Variants in AKT2 observed in about 807,000 individuals in gnomAD.
AKT2 encodes RAC-beta serine/threonine-protein kinase.
In AKT2, 16 loss-of-function variants were observed where a neutral mutation model predicts 58.6. The observed-to-expected ratio is 0.27, with a 90% CI of 0.18 to 0.41. The LOEUF is 0.41. AKT2 is among the 10% of genes least tolerant of loss of function. AKT2 has a pLI of 1.00. For synonymous variants in AKT2, 253 were observed against 254.0 expected (o/e 1.00, Z 0.04); for missense variants, 438 against 661.0 (o/e 0.66, Z 3.70).
chr19:40,239,829 A>G, intron 7 of AKT2: 1 of 702,172 alleles, frequency 1.4e-6, no homozygotes, highest in Non-Finnish European at 2.6e-6. Context: ...ACATGAAGCC[A>G]CCATCTATGA....
chr19:40,230,483 G>A lies in AKT2; in HGVS notation c.*3389C>T, dbSNP rs1973649387. On this transcript the variant is annotated 3_prime_UTR_variant, in exon 14 of 14. Transcript: ENST00000392038. ...CCCATGCAGCAGCTAAAAGGGAATCGCACTGCCGCCCCCGACTCCACACAA... is the reference window on the plus strand; with the variant it reads ...CCCATGCAGCAGCTAAAAGGGAATCACACTGCCGCCCCCGACTCCACACAA... 2 of 226,346 alleles carry A rather than the reference G, an allele frequency of 8.8e-6. No individual in the cohort carries two copies. The highest frequency in any genetic ancestry group is 2.2e-5 in the African/African-American group (1 of 44,788). The allele number at this position is 226,346 out of a possible 1,614,324, so 14.0% of individuals were successfully genotyped here.
chr19:40,236,426 G>T, intron 9 of AKT2, 41 bp from the exon 10 acceptor site: 1 of 1,613,388 alleles, frequency 6.2e-7, no homozygotes, highest in East Asian at 2.2e-5. Flanking sequence ...ATGCTCCCAA[G>T]GCTTCCTGCC....
chr19:40,285,126 C>A (rs552753966), intron 1 of AKT2, 55 bp downstream of exon 1: 55 of 391,434 alleles, frequency 1.4e-4, no homozygotes, highest in Admixed American at 8.0e-4. Context: ...CCGCGGGGGG[C>A]CCGGACGCGA....
chr19:40,260,817 A>G (rs909781182), intron 2 of AKT2, among the ~76,000 whole-genome samples: 1 of 147,864 alleles, frequency 6.8e-6, no homozygotes, highest in Non-Finnish European at 1.5e-5. Flanking sequence ...GTGTGGTGGC[A>G]CCTGCCTGTA....
rs1277167419 is a variant in AKT2, at chr19:40,233,999, G to A, written c.1367-48C>T. 6.3e-7 allele frequency: 1 copy of A among 1,585,264 alleles called. No homozygotes were observed. Among genetic ancestry groups the A allele is most frequent in the Non-Finnish European group, 8.6e-7 (1 of 1,165,726 alleles). Reference sequence around the variant, plus strand: ...GGGAGGACCAGTCAGGAGAGGGCCTGGGACACCTGCCCAGACTCCCTGGGG... The same window carrying A: ...GGGAGGACCAGTCAGGAGAGGGCCTAGGACACCTGCCCAGACTCCCTGGGG... On this transcript the variant is annotated intron_variant, in intron 13 of 13. Transcript: ENST00000392038. This position sits in a 1 kb window ranked among gnomAD's most constrained non-coding sequence, Gnocchi z 4.3.
At chr19:40,265,155 A>G in intron 2 of AKT2, 67 bp downstream of exon 2, 1 of 1,580,646 alleles carries the variant, frequency 6.3e-7, no homozygotes, top group Non-Finnish European at 8.6e-7. Context: ...TCTGCCTCTC[A>G]GGGCACAGCT....
chr19:40,276,095 G>A (rs532155983), intron 1 of AKT2, among the ~76,000 whole-genome samples: 11 of 151,658 alleles, frequency 7.3e-5, no homozygotes, highest in African/African-American at 1.9e-4. Context: ...ATTAAGCACC[G>A]GGAGCTTAAA....
chr19:40,233,542 A>G lies in AKT2; in HGVS notation c.*330T>C. ...CACCAGCACGACACCCAGGCCAGAA[A>G]CTCAGGCAGGCCCCAGGCGCCATGC... On this transcript the variant is annotated 3_prime_UTR_variant, in exon 14 of 14. Coordinates refer to ENST00000392038, the MANE Select transcript of AKT2 (RefSeq NM_001626.6). This position sits in a 1 kb window ranked among gnomAD's most constrained non-coding sequence, Gnocchi z 4.3. 1 of 646,754 alleles carries G rather than the reference A, an allele frequency of 1.5e-6. No homozygotes were observed. Among genetic ancestry groups the G allele is most frequent in the Non-Finnish European group, 2.9e-6 (1 of 341,388 alleles). 40.1% of individuals were successfully genotyped at this position (646,754 alleles called of 1,614,324 possible).
chr19:40,251,129 A>G (rs1039546564), intron 4 of AKT2, among the ~76,000 whole-genome samples: 12 of 151,578 alleles, frequency 7.9e-5, no homozygotes, highest in African/African-American at 2.9e-4. Flanking sequence ...GATTAAGCTC[A>G]GGAGTTTGAG....
chr19:40,266,880 C>T (rs1976397566), intron 1 of AKT2, among the ~76,000 whole-genome samples: 2 of 152,164 alleles, frequency 1.3e-5, no homozygotes, highest in Admixed American at 6.5e-5. Context: ...GAGGATCACT[C>T]GAGCCTGGGA....
intron 1 of AKT2, among the ~76,000 whole-genome samples, chr19:40,278,847 TAGGG>T (rs1401763628): frequency 6.6e-6 from 1 of 151,216 alleles, no homozygotes; most frequent in Non-Finnish European, 1.5e-5. Flanking sequence ...AAATGCACCT[TAGGG>T]AGAAGAAATA....
intron 1 of AKT2, chr19:40,282,803 T>C (rs2077448114): frequency 6.6e-6 from 2 of 303,896 alleles, no homozygotes; most frequent in South Asian, 2.6e-5. Flanking sequence ...AAATACCATA[T>C]AAAGCCCAAA....
At chr19:40,244,307 G>C (rs1341917085) in intron 4 of AKT2, 2 of 151,730 alleles carry the variant, frequency 1.3e-5, no homozygotes, top group East Asian at 1.9e-4. Flanking sequence ...AGCCAGGTGT[G>C]GGGGCACATG....
intron 4 of AKT2, 22 bp downstream of exon 4, chr19:40,255,136 C>T (rs774276139): frequency 2.5e-6 from 4 of 1,585,172 alleles, no homozygotes; most frequent in Non-Finnish European, 3.5e-6. Context: ...TCAAGGGCAG[C>T]CACACAGAGG....
chr19:40,236,858 C>CTA, intron 9 of AKT2: 1 of 198,484 alleles, frequency 5.0e-6, no homozygotes, highest in South Asian at 8.4e-5. Context: ...ACCCCATCTC[C>CTA]ATATTTCTTA....
intron 1 of AKT2, among the ~76,000 whole-genome samples, chr19:40,271,543 C>T (rs1600100266): frequency 6.6e-6 from 1 of 152,030 alleles, no homozygotes; most frequent in East Asian, 1.9e-4. Context: ...CGTGAGGGAA[C>T]CAACTCCCTC....
intron 4 of AKT2, among the ~76,000 whole-genome samples, chr19:40,246,448 T>C (rs1362229359): frequency 1.3e-5 from 2 of 152,086 alleles, no homozygotes; most frequent in Admixed American, 6.6e-5. Flanking sequence ...TTATCAGACA[T>C]AGTTGTCCTC....
At position 40,234,749 on chromosome 19, in the gene AKT2, G is replaced by A; in HGVS notation, c.1366+296C>T. The stretch of plus-strand genomic sequence containing the variant: ...ATAGCCCAGCCCTGGGCTGAGTTCA[G>A]AGTAAGAACCCAAACAGCTGTAAAG... On this transcript the variant is annotated intron_variant, in intron 13 of 13. Transcript: ENST00000392038. The surrounding 1 kb of genome is among the most constrained non-coding windows in gnomAD (Gnocchi z 4.7). The A allele has an allele frequency of 1.6e-6, 1 of 606,724 alleles. No individual in the cohort carries two copies. Among genetic ancestry groups the A allele is most frequent in the East Asian group, 2.7e-5 (1 of 36,540 alleles). The allele number at this position is 606,724 out of a possible 1,614,324, so 37.6% of individuals were successfully genotyped here. A position where few individuals can be genotyped will look rare whatever the true frequency, so the allele number is the denominator to read the frequency against.
At position 40,235,787 on chromosome 19, in the gene AKT2, C is replaced by T. The variant is rs3730055; in HGVS notation, c.1175+103G>A. On this transcript the variant is annotated intron_variant, in intron 11 of 13. Transcript: ENST00000392038. The surrounding 1 kb of genome is among the most constrained non-coding windows in gnomAD (Gnocchi z 6.3). The stretch of plus-strand genomic sequence containing the variant: ...GGGGCTGTGTGGGGACGACACACTG[C>T]GACCCTACAAGCGAGCACCCTTGTG... 101,367 of 1,225,424 alleles carry T rather than the reference C, an allele frequency of 0.083. 5,259 individuals are homozygous for T. Among genetic ancestry groups the T allele is most frequent in the African/African-American group, 0.24 (15,836 of 66,204 alleles). The allele number at this position is 1,225,424 out of a possible 1,614,324, so 75.9% of individuals were successfully genotyped here.
Sources: gnomAD v4.1 joint callset for allele counts (sites outside exome capture counted in the v4.1 genomes callset) on GRCh38, gnomAD v4.1.1 for gene constraint, Gnocchi (gnomAD v3.1) non-coding constraint, MANE v1.5 for transcripts, NCBI Gene and HGNC (gene_info 2026-07-23, HGNC 2026-07-21) for gene names.